Variants in PCDH7 observed in about 807,000 individuals in gnomAD.
PCDH7 encodes the protein protocadherin 7, also known as protocadherin-7.
In PCDH7, 17 loss-of-function variants were observed where a neutral mutation model predicts 58.9. The observed-to-expected ratio is 0.29, with a 90% CI of 0.20 to 0.43. The LOEUF is 0.43. PCDH7 is among the 20% of genes least tolerant of loss of function. The pLI, the probability that PCDH7 is intolerant of heterozygous loss-of-function variation, is 1.00. For synonymous variants in PCDH7, 664 were observed against 616.4 expected, an observed-to-expected ratio of 1.08 and a Z score of -1.14; for missense variants, 1,274 against 1,441.0, an observed-to-expected ratio of 0.88 and a Z score of 1.88.
At chr4:31,137,447 G>A (rs1397581741) in intron 3 of PCDH7, among the ~76,000 whole-genome samples, 2 of 152,152 alleles carry the variant, frequency 1.3e-5, no homozygotes, top group East Asian at 1.9e-4. Context: ...AGCCTGGTTT[G>A]GTGGTGCATG....
chr4:30,942,632 TA>T (rs929871829), intron 2 of PCDH7, among the ~76,000 whole-genome samples: 1 of 152,146 alleles, frequency 6.6e-6, no homozygotes, highest in African/African-American at 2.4e-5. Flanking sequence ...ACTTTGCCCT[TA>T]AAAAAATTAT....
intron 1 of PCDH7, among the ~76,000 whole-genome samples, chr4:30,772,201 G>C (rs887755762): frequency 2.6e-5 from 4 of 152,074 alleles, no homozygotes; most frequent in Non-Finnish European, 5.9e-5. Flanking sequence ...ACTTCCATAG[G>C]TTCTGATTTT....
intron 1 of PCDH7, among the ~76,000 whole-genome samples, chr4:30,754,410 G>A (rs902223243): frequency 1.3e-5 from 2 of 152,120 alleles, no homozygotes; most frequent in Non-Finnish European, 2.9e-5. Context: ...TCTACCGAAA[G>A]CATGATATAT....
At chr4:30,800,959 T>C (rs1170305684) in intron 1 of PCDH7, among the ~76,000 whole-genome samples, 1 of 152,232 alleles carries the variant, frequency 6.6e-6, no homozygotes, top group African/African-American at 2.4e-5. Context: ...TTTGGGAAGT[T>C]GGCTCTGCTG....
At chr4:30,811,461 C>T (rs1429402696) in intron 1 of PCDH7, among the ~76,000 whole-genome samples, 10 of 152,040 alleles carry the variant, frequency 6.6e-5, no homozygotes, top group African/African-American at 1.7e-4. Flanking sequence ...TGTTCTTTGC[C>T]TTCTTTGCCT....
At chr4:30,887,202 G>A (rs1453452548) in intron 1 of PCDH7, among the ~76,000 whole-genome samples, 1 of 152,110 alleles carries the variant, frequency 6.6e-6, no homozygotes, top group Non-Finnish European at 1.5e-5. Flanking sequence ...TGCTAAGGTA[G>A]CTATGACTAA....
intron 1 of PCDH7, among the ~76,000 whole-genome samples, chr4:30,863,201 T>C (rs1459698048): frequency 2.0e-5 from 3 of 152,142 alleles, no homozygotes; most frequent in Non-Finnish European, 4.4e-5. Flanking sequence ...ATGAAGAAGA[T>C]ATTGTATTGG....
intron 3 of PCDH7, among the ~76,000 whole-genome samples, chr4:31,140,415 A>G (rs1270662208): frequency 6.6e-6 from 1 of 151,980 alleles, no homozygotes; most frequent in Non-Finnish European, 1.5e-5. Context: ...AGATTTTTTT[A>G]TATTTTAGAA....
intron 1 of PCDH7, among the ~76,000 whole-genome samples, chr4:30,811,460 C>T (rs1727002393): frequency 6.6e-6 from 1 of 152,080 alleles, no homozygotes; most frequent in Non-Finnish European, 1.5e-5. Flanking sequence ...CTGTTCTTTG[C>T]CTTCTTTGCC....
intron 3 of PCDH7, among the ~76,000 whole-genome samples, chr4:31,122,014 T>A (rs113137308): frequency 1.3e-4 from 20 of 152,218 alleles, no homozygotes; most frequent in African/African-American, 4.3e-4. Flanking sequence ...GATTTTATTT[T>A]TTTTTTCCCC....
At chr4:30,843,490 G>C (rs1044895909) in intron 1 of PCDH7, among the ~76,000 whole-genome samples, 2 of 152,092 alleles carry the variant, frequency 1.3e-5, no homozygotes, top group Non-Finnish European at 2.9e-5. Flanking sequence ...CACTCCGCCT[G>C]GCCTGGAATA....
At chr4:31,114,488 C>T (rs1051435046) in intron 3 of PCDH7, among the ~76,000 whole-genome samples, 1 of 152,116 alleles carries the variant, frequency 6.6e-6, no homozygotes, top group Non-Finnish European at 1.5e-5. Context: ...CCCAAATCTG[C>T]ATTCAAAATA....
At chr4:30,883,089 G>T (rs1737210187) in intron 1 of PCDH7, among the ~76,000 whole-genome samples, 1 of 152,262 alleles carries the variant, frequency 6.6e-6, no homozygotes, top group South Asian at 2.1e-4. Context: ...GCACACATGT[G>T]CACGGGCACA....
chr4:31,099,448 C>T (rs1714608493), intron 3 of PCDH7, among the ~76,000 whole-genome samples: 1 of 152,140 alleles, frequency 6.6e-6, no homozygotes, highest in Non-Finnish European at 1.5e-5. Flanking sequence ...TTTAGAAATA[C>T]TTATTAAATA....
At chr4:31,025,680 G>T (rs899636914) in intron 3 of PCDH7, among the ~76,000 whole-genome samples, 1 of 152,138 alleles carries the variant, frequency 6.6e-6, no homozygotes, top group African/African-American at 2.4e-5. Flanking sequence ...CCACAATCAT[G>T]CATTTTAAGT....
intron 3 of PCDH7, among the ~76,000 whole-genome samples, chr4:31,077,905 T>C (rs1759140238): frequency 6.6e-6 from 1 of 152,116 alleles, no homozygotes; most frequent in Non-Finnish European, 1.5e-5. Context: ...ACAAGCTGTT[T>C]TGAAGGAAGA....
chr4:30,823,078 G>T (rs1728577549), intron 1 of PCDH7, among the ~76,000 whole-genome samples: 1 of 152,100 alleles, frequency 6.6e-6, no homozygotes, highest in African/African-American at 2.4e-5. Flanking sequence ...GAACAGTTTG[G>T]TTACTGTATG....
intron 3 of PCDH7, among the ~76,000 whole-genome samples, chr4:31,090,548 C>T (rs1713103153): frequency 6.6e-6 from 1 of 152,044 alleles, no homozygotes; most frequent in Non-Finnish European, 1.5e-5. Context: ...TCTTTCCCCA[C>T]AAAAACCTTG....
At chr4:31,080,351 AG>A (rs1327581234) in intron 3 of PCDH7, among the ~76,000 whole-genome samples, 1 of 152,134 alleles carries the variant, frequency 6.6e-6, no homozygotes, top group Admixed American at 6.6e-5. Context: ...TAAAAATAAT[AG>A]TATGTATAAT....
Sources: gnomAD v4.1 joint callset for allele counts (sites outside exome capture counted in the v4.1 genomes callset) on GRCh38, gnomAD v4.1.1 for gene constraint, MANE v1.5 for transcripts, NCBI Gene and HGNC (gene_info 2026-07-23, HGNC 2026-07-21) for gene names.